The following CCDC178 variants were observed in gnomAD, a reference collection of about 807,000 sequenced individuals.
CCDC178 encodes the protein coiled-coil domain containing 178.
Under a neutral mutation model 117.4 loss-of-function variants are expected in CCDC178, and 126 were observed. The ratio of observed to expected loss-of-function variants is 1.07; its 90% CI spans 0.93 to 1.24. The LOEUF (loss-of-function observed/expected upper bound fraction) is 1.24, where lower values mean the gene tolerates loss of function less well. Among genes scored for constraint, CCDC178 ranks in the 50% most tolerant of loss-of-function variants. The pLI, the probability that CCDC178 is intolerant of heterozygous loss-of-function variation, is 0.00. For synonymous variants in CCDC178, 283 were observed against 313.4 expected (o/e 0.90, Z 1.02); for missense variants, 1,030 against 986.9 (o/e 1.04, Z -0.59).
At chr18:33,410,500 G>GT (rs1484914146) in intron 3 of CCDC178, among the ~76,000 whole-genome samples, 1 of 151,864 alleles carries the variant, frequency 6.6e-6, no homozygotes, top group Non-Finnish European at 1.5e-5. Context: ...ACAAACCAAG[G>GT]TTTTTCAAAT....
intron 18 of CCDC178, among the ~76,000 whole-genome samples, chr18:33,222,378 CA>C (rs1192390678): frequency 6.6e-6 from 1 of 151,544 alleles, no homozygotes; most frequent in African/African-American, 2.4e-5. Context: ...GCTGTTACAA[CA>C]AAACGCCTTA....
chr18:33,173,106 G>A (rs1487575948), intron 20 of CCDC178, among the ~76,000 whole-genome samples: 1 of 152,132 alleles, frequency 6.6e-6, no homozygotes, highest in East Asian at 1.9e-4. Flanking sequence ...CTGGATTGCA[G>A]TGGCATGACC....
intron 11 of CCDC178, among the ~76,000 whole-genome samples, chr18:33,304,854 G>A (rs927915894): frequency 6.6e-6 from 1 of 152,102 alleles, no homozygotes; most frequent in Non-Finnish European, 1.5e-5. Flanking sequence ...AGGATAAAAA[G>A]GAAGGCAGCG....
At chr18:33,247,429 G>A (rs2144697319) in intron 14 of CCDC178, among the ~76,000 whole-genome samples, 1 of 151,860 alleles carries the variant, frequency 6.6e-6, no homozygotes, top group East Asian at 1.9e-4. Flanking sequence ...AAGGAATAAT[G>A]AAAAGAAATA....
chr18:33,097,333 T>C (rs188643764), intron 20 of CCDC178, among the ~76,000 whole-genome samples: 1 of 152,144 alleles, frequency 6.6e-6, no homozygotes, highest in Admixed American at 6.6e-5. Context: ...CAATTGTGAG[T>C]GAGTGAGTCA....
chr18:33,439,180 G>A (rs1034045251), intron 2 of CCDC178, among the ~76,000 whole-genome samples: 2 of 152,186 alleles, frequency 1.3e-5, no homozygotes, highest in African/African-American at 4.8e-5. Flanking sequence ...GGTGGAATAA[G>A]CCAGTGTGAG....
intron 20 of CCDC178, among the ~76,000 whole-genome samples, chr18:33,103,186 G>GT (rs1341578549): frequency 6.6e-6 from 1 of 151,694 alleles, no homozygotes; most frequent in Admixed American, 6.6e-5. Context: ...GCAAAAGGCA[G>GT]TTTTTGCATA....
intron 21 of CCDC178, among the ~76,000 whole-genome samples, chr18:33,079,090 T>C (rs1309387437): frequency 3.3e-5 from 5 of 152,014 alleles, no homozygotes; most frequent in African/African-American, 2.4e-5. Flanking sequence ...CACAGACCAA[T>C]AGAACAGAAC....
At chr18:33,353,062 G>C (rs1202570734) in intron 7 of CCDC178, among the ~76,000 whole-genome samples, 2 of 151,516 alleles carry the variant, frequency 1.3e-5, no homozygotes, top group Non-Finnish European at 3.0e-5. Context: ...AATTCTGTTA[G>C]TTTATATGTC....
chr18:33,394,944 T>TATGC (rs2063613315), intron 4 of CCDC178, among the ~76,000 whole-genome samples: 1 of 13,020 alleles, frequency 7.7e-5, no homozygotes, highest in Non-Finnish European at 1.4e-4. Flanking sequence ...TATGTATGTG[T>TATGC]ATATATATAT....
At chr18:33,122,949 A>G (rs2057956756) in intron 20 of CCDC178, among the ~76,000 whole-genome samples, 1 of 152,152 alleles carries the variant, frequency 6.6e-6, no homozygotes, top group South Asian at 2.1e-4. Context: ...TTTTATGTTA[A>G]CTGGAACAAG....
At chr18:33,189,482 AATATTTAACAC>A (rs2058832984) in intron 20 of CCDC178, among the ~76,000 whole-genome samples, 1 of 152,158 alleles carries the variant, frequency 6.6e-6, no homozygotes, top group Non-Finnish European at 1.5e-5. Flanking sequence ...TACTTCCAGT[AATATTTAACAC>A]AGATATAGTA....
chr18:33,377,205 T>C (rs146258083), intron 5 of CCDC178, among the ~76,000 whole-genome samples: 174 of 152,334 alleles, frequency 1.1e-3, no homozygotes, highest in Admixed American at 2.5e-3. Flanking sequence ...TGATTAGTGA[T>C]GTTGAACATT....
At chr18:33,360,720 G>A (rs1180052373) in intron 6 of CCDC178, among the ~76,000 whole-genome samples, 2 of 151,660 alleles carry the variant, frequency 1.3e-5, no homozygotes, top group Middle Eastern at 3.4e-3. Flanking sequence ...TAATGATCTA[G>A]CTGAAGAAGA....
rs60956262 is a variant in CCDC178, at chr18:33,285,975, A to ATTTT, written c.1176+7180_1176+7183dup. 9.4e-5 allele frequency among the ~76,000 whole-genome samples: 13 copies of ATTTT among 138,066 alleles called. 1 individual carries two copies. Among genetic ancestry groups the ATTTT allele is most frequent in the Non-Finnish European group, 1.5e-4 (10 of 65,528 alleles). 90.6% of individuals were successfully genotyped at this position (138,066 alleles called of 152,430 possible). A position where few individuals can be genotyped will look rare whatever the true frequency, so the allele number is the denominator to read the frequency against. ...ATTATTTAAAAAATTAGCAATGTGTATTTTTTTTTTTTTTTTGAGATGGAG... is the reference window on the plus strand; with the variant it reads ...ATTATTTAAAAAATTAGCAATGTGTATTTTTTTTTTTTTTTTTTTTGAGATGGAG... On this transcript the variant is annotated intron_variant, in intron 12 of 22. Transcript: ENST00000383096.
chr18:33,298,694 G>A (rs536765178), intron 11 of CCDC178, among the ~76,000 whole-genome samples: 4 of 152,140 alleles, frequency 2.6e-5, no homozygotes, highest in Non-Finnish European at 5.9e-5. Flanking sequence ...AAGTCTAATT[G>A]TCCGTCTTTG....
chr18:32,987,771 A>G (rs990620561), intron 21 of CCDC178, among the ~76,000 whole-genome samples: 6 of 152,204 alleles, frequency 3.9e-5, no homozygotes, highest in South Asian at 4.1e-4. Context: ...AAAAATGTCT[A>G]TATCTCCTTA....
chr18:33,192,165 A>C (rs1288595643), intron 20 of CCDC178, among the ~76,000 whole-genome samples: 1 of 152,214 alleles, frequency 6.6e-6, no homozygotes, highest in African/African-American at 2.4e-5. Context: ...TGGCCATTGT[A>C]CTTATGTCAC....
chr18:33,390,993 G>T (rs2063557046), intron 4 of CCDC178, among the ~76,000 whole-genome samples: 1 of 150,572 alleles, frequency 6.6e-6, no homozygotes, highest in African/African-American at 2.4e-5. Flanking sequence ...TAAGGCAAAA[G>T]TAAGTTTATA....
Sources: allele counts gnomAD v4.1 joint callset (sites outside exome capture counted in the v4.1 genomes callset), GRCh38; gene constraint gnomAD v4.1.1; transcripts MANE v1.5; gene names NCBI Gene and HGNC (gene_info 2026-07-23, HGNC 2026-07-21).